Variants in RNF212B observed in about 807,000 individuals in gnomAD.
The protein encoded by RNF212B is E3 ubiquitin-protein ligase RNF212B.
RNF212B carries 52 observed loss-of-function variants against 55.5 expected under a neutral mutation model. That is an observed-to-expected ratio of 0.94 (90% CI 0.75 to 1.18). The LOEUF is 1.18. Ranked by LOEUF, RNF212B falls within the 50% of genes most tolerant of loss-of-function variation. RNF212B has a pLI of 0.00. For synonymous variants in RNF212B, 99 were observed against 121.4 expected, an observed-to-expected ratio of 0.82 and a Z score of 1.21; for missense variants, 289 against 350.4, an observed-to-expected ratio of 0.82 and a Z score of 1.40.
Position 23,200,250 on chromosome 14 carries a change from C to G in RNF212B, c.-2+6849C>G, listed in dbSNP as rs139978932. The stretch of plus-strand genomic sequence containing the variant: ...AAACTTTGTTCCATAGGAGGAATCT[C>G]AGATAAGATTTTAAAGCTGAATCCA... On this transcript the variant is annotated intron_variant, in intron 2 of 15. Coordinates refer to the RNF212B transcript ENST00000399910. Among the ~76,000 whole-genome samples the G allele has an allele frequency of 2.6e-5, 4 of 152,108 alleles. No individual in the cohort carries two copies. In the East Asian group the frequency reaches 7.7e-4, roughly 29 times the overall value.
chr14:23,224,975 T>C (rs1024981068), intron 2 of RNF212B, among the ~76,000 whole-genome samples: 2 of 151,862 alleles, frequency 1.3e-5, no homozygotes, highest in East Asian at 1.9e-4. Flanking sequence ...AAAGAAGACA[T>C]ACAAATGGCA....
At position 23,264,609 on chromosome 14, in the gene RNF212B, T is replaced by C. The variant is rs969331960; in HGVS notation, c.586-14T>C. ...GATATATTTATTAATTGATGCTTAT[T>C]ATTTGTCTATCAGGGAGGCAGAGGT... On this transcript the variant is annotated splice_polypyrimidine_tract_variant and intron_variant, in intron 10 of 14. Coordinates refer to ENST00000430154, the MANE Select transcript of RNF212B (RefSeq NM_001282322.3). The C allele has an allele frequency of 1.7e-5, 23 of 1,334,858 alleles. No individual in the cohort carries two copies. In the African/African-American group the frequency reaches 3.1e-4, roughly 18 times the overall value. The allele number at this position is 1,334,858 out of a possible 1,614,324, so 82.7% of individuals were successfully genotyped here.
At chr14:23,232,515 G>A (rs554345910) in intron 2 of RNF212B, among the ~76,000 whole-genome samples, 10 of 151,806 alleles carry the variant, frequency 6.6e-5, no homozygotes, top group South Asian at 2.1e-4. Context: ...AGTGAGGAGC[G>A]TCTCTGCCCA....
chr14:23,201,379 C>G (rs1000701113), intron 2 of RNF212B, among the ~76,000 whole-genome samples: 2 of 152,274 alleles, frequency 1.3e-5, no homozygotes, highest in African/African-American at 4.8e-5. Context: ...GAATTTGTTA[C>G]CTCTGTGGCA....
intron 2 of RNF212B, among the ~76,000 whole-genome samples, chr14:23,194,543 C>A (rs1250488859): frequency 6.6e-6 from 1 of 151,744 alleles, no homozygotes; most frequent in Non-Finnish European, 1.5e-5. Flanking sequence ...TTTGAGACCA[C>A]CCTGGGCAAC....
chr14:23,251,644 T>A lies in RNF212B; in HGVS notation c.229-6905T>A, dbSNP rs184960432. Among the ~76,000 whole-genome samples the A allele has an allele frequency of 6.4e-3, 981 of 152,180 alleles. 12 individuals carry two copies. The highest frequency in any genetic ancestry group is 0.022 in the African/African-American group (928 of 41,532). On this transcript the variant is annotated intron_variant, in intron 4 of 14. Transcript: ENST00000430154. ...CAGCCTGGCCAACATGGTGAAACCC[T>A]GCCTCTACTAAAAATACCAAAAGTA...
chr14:23,236,478 G>A (rs1342724330), upstream of RNF212B, among the ~76,000 whole-genome samples: 3 of 152,100 alleles, frequency 2.0e-5, no homozygotes, highest in Non-Finnish European at 2.9e-5. Flanking sequence ...TGGCGCCACT[G>A]CACTCCAGCC....
chr14:23,220,364 T>A (rs1881456854), intron 2 of RNF212B, among the ~76,000 whole-genome samples: 1 of 151,998 alleles, frequency 6.6e-6, no homozygotes, highest in Non-Finnish European at 1.5e-5. Context: ...AAACCCCATC[T>A]TTACTAAAAA....
Position 23,244,387 on chromosome 14 carries a change from C to T in RNF212B, c.219C>T (p.His73=), listed in dbSNP as rs1235792797. The change falls in exon 4 of 15, where the codon CAC becomes CAT. Residue 73 remains histidine (H), a synonymous_variant. Coordinates refer to ENST00000430154, the MANE Select transcript of RNF212B (RefSeq NM_001282322.3). ...AGACAGCTTTGCAGTATTTTAGTCA[C>T]ATCTCTCAGGTATGAGAAACAAAAG... ...PVETALQYFS[H]ISQVWSFQKK... The T allele has an allele frequency of 6.5e-7, 1 of 1,536,824 alleles. No individual in the cohort carries two copies. The highest frequency in any genetic ancestry group is 2.0e-5 in the Admixed American group (1 of 50,144).
chr14:23,256,978 C>T (rs956569420), intron 4 of RNF212B, among the ~76,000 whole-genome samples: 2 of 152,060 alleles, frequency 1.3e-5, no homozygotes, highest in Non-Finnish European at 2.9e-5. Flanking sequence ...CATGGTGAAA[C>T]CCTGTCTCTA....
chr14:23,247,676 A>G (rs980477302), intron 4 of RNF212B, among the ~76,000 whole-genome samples: 42 of 152,302 alleles, frequency 2.8e-4, no homozygotes, highest in African/African-American at 9.9e-4. Flanking sequence ...TCATTAGTCA[A>G]TAGACATTTG....
At chr14:23,249,055 CA>C in intron 4 of RNF212B, among the ~76,000 whole-genome samples, 1 of 152,260 alleles carries the variant, frequency 6.6e-6, no homozygotes. Context: ...AACTTATTTA[CA>C]AAAACAGACA....
chr14:23,269,800 T>C, intron 12 of RNF212B, 63 bp from the exon 13 acceptor site: 1 of 912,296 alleles, frequency 1.1e-6, no homozygotes, highest in Admixed American at 2.2e-5. Context: ...CCATTACATA[T>C]GCTTTTTATT....
chr14:23,213,650 G>A (rs1014733346), intron 2 of RNF212B, among the ~76,000 whole-genome samples: 4 of 152,080 alleles, frequency 2.6e-5, no homozygotes, highest in East Asian at 1.9e-4. Flanking sequence ...GGGACCCAGT[G>A]GGGAGCTGAA....
At chr14:23,238,737 AAATAATAATAATAATAATAAT>A (rs34688858) in intron 1 of RNF212B, among the ~76,000 whole-genome samples, 3 of 136,252 alleles carry the variant, frequency 2.2e-5, no homozygotes, top group Admixed American at 7.6e-5. Flanking sequence ...CCCTGTCTCA[AAATAATAATAATAATAATAAT>A]AATAATAATA....
At chr14:23,258,727 T>C in intron 5 of RNF212B, 63 bp downstream of exon 5, 1 of 695,490 alleles carries the variant, frequency 1.4e-6, no homozygotes, top group Non-Finnish European at 2.2e-6. Context: ...GAAGTGACAG[T>C]CCTTATTGTG....
intron 3 of RNF212B, among the ~76,000 whole-genome samples, chr14:23,243,946 T>G (rs1883806590): frequency 6.6e-6 from 1 of 151,704 alleles, no homozygotes; most frequent in Admixed American, 6.6e-5. Context: ...GGTGTGTTGG[T>G]AGGCACCTGT....
intron 9 of RNF212B, among the ~76,000 whole-genome samples, chr14:23,263,622 G>A (rs1054819918): frequency 2.0e-5 from 3 of 152,202 alleles, no homozygotes; most frequent in Admixed American, 2.0e-4. Context: ...AGGTGGCCAT[G>A]TGTGTCAAAG....
chr14:23,232,581 G>T (rs891195785), intron 2 of RNF212B, among the ~76,000 whole-genome samples: 3 of 149,806 alleles, frequency 2.0e-5, no homozygotes, highest in Non-Finnish European at 3.0e-5. Flanking sequence ...CAGCCACCCC[G>T]TCCGGGAGGG....
Sources: allele counts gnomAD v4.1 joint callset (sites outside exome capture counted in the v4.1 genomes callset), GRCh38; gene constraint gnomAD v4.1.1; transcripts MANE v1.5; gene names NCBI Gene and HGNC (gene_info 2026-07-23, HGNC 2026-07-21).